The following MAGI3 variants were observed in gnomAD, a reference collection of about 807,000 sequenced individuals.
MAGI3 encodes the protein membrane associated guanylate kinase, WW and PDZ domain containing 3, also known as membrane-associated guanylate kinase, WW and PDZ domain-containing protein 3.
Under a neutral mutation model 121.8 loss-of-function variants are expected in MAGI3, and 43 were observed. The ratio of observed to expected loss-of-function variants is 0.35; its 90% CI spans 0.28 to 0.46. The LOEUF is 0.46. Among genes scored for constraint, MAGI3 ranks in the 20% least tolerant of loss-of-function variants. MAGI3 has a pLI of 1.00. For synonymous variants in MAGI3, 553 were observed against 639.3 expected, an observed-to-expected ratio of 0.86 and a Z score of 2.04; for missense variants, 1,547 against 1,797.3, an observed-to-expected ratio of 0.86 and a Z score of 2.52.
At chr1:113,457,617 G>T (rs907755682) in intron 1 of MAGI3, among the ~76,000 whole-genome samples, 12 of 151,772 alleles carry the variant, frequency 7.9e-5, no homozygotes, top group African/African-American at 2.9e-4. Flanking sequence ...TGTTCTTGGT[G>T]GTAGGATTGC....
At chr1:113,479,357 G>T (rs1470452316) in intron 1 of MAGI3, among the ~76,000 whole-genome samples, 1 of 152,090 alleles carries the variant, frequency 6.6e-6, no homozygotes, top group Non-Finnish European at 1.5e-5. Flanking sequence ...GCAGACCAGA[G>T]CTGTTCCTAT....
Position 113,467,365 on chromosome 1 carries a change from A to G in MAGI3, c.316+76016A>G, listed in dbSNP as rs147284015. Among the ~76,000 whole-genome samples the G allele has an allele frequency of 7.0e-3, 1,071 of 152,220 alleles. 44 individuals carry two copies. Among genetic ancestry groups the G allele is most frequent in the Admixed American group, 0.066 (1,001 of 15,272 alleles). ...TCAGAGTTGTTTTGTGGCCTAAGAT[A>G]TGGTCTCTTCTGGAGAATGTTCCAT... is the stretch of plus-strand genomic sequence containing the variant. On this transcript the variant is annotated intron_variant, in intron 1 of 20. Coordinates refer to ENST00000307546, the MANE Select transcript of MAGI3 (RefSeq NM_001142782.2).
intron 9 of MAGI3, among the ~76,000 whole-genome samples, chr1:113,636,944 T>A (rs1403875717): frequency 1.3e-5 from 2 of 151,998 alleles, no homozygotes; most frequent in Non-Finnish European, 2.9e-5. Context: ...TAGGATAGTT[T>A]GCTCTTCTTG....
intron 17 of MAGI3, 35 bp downstream of exon 17, chr1:113,671,871 T>C (rs956742786): frequency 6.3e-7 from 1 of 1,579,264 alleles, no homozygotes; most frequent in African/African-American, 1.3e-5. Flanking sequence ...TTTTGTTTTT[T>C]TCTTATTCTC....
At chr1:113,561,961 A>T (rs887127648) in intron 2 of MAGI3, among the ~76,000 whole-genome samples, 1 of 152,246 alleles carries the variant, frequency 6.6e-6, no homozygotes, top group Non-Finnish European at 1.5e-5. Context: ...GCATTCCTAT[A>T]TATCAACAAC....
intron 9 of MAGI3, among the ~76,000 whole-genome samples, chr1:113,625,903 G>A (rs1409306760): frequency 6.6e-6 from 1 of 152,042 alleles, no homozygotes; most frequent in African/African-American, 2.4e-5. Flanking sequence ...TTATCATAAA[G>A]GGGTGTTGAA....
At chr1:113,681,406 A>C in intron 20 of MAGI3, 70 bp downstream of exon 20, 1 of 1,494,654 alleles carries the variant, frequency 6.7e-7, no homozygotes. Context: ...AAAGGAATAT[A>C]TATTTGGAGA....
At chr1:113,563,193 A>G (rs1660309957) in intron 2 of MAGI3, among the ~76,000 whole-genome samples, 1 of 152,200 alleles carries the variant, frequency 6.6e-6, no homozygotes, top group Non-Finnish European at 1.5e-5. Flanking sequence ...GTAATATTAG[A>G]AAACAAAAAC....
At chr1:113,649,724 G>C (rs1653051964) in intron 13 of MAGI3, among the ~76,000 whole-genome samples, 1 of 152,132 alleles carries the variant, frequency 6.6e-6, no homozygotes, top group Admixed American at 6.6e-5. Flanking sequence ...ATAAATGGTT[G>C]GCATGAGCCT....
intron 2 of MAGI3, among the ~76,000 whole-genome samples, chr1:113,550,951 C>G (rs1287123824): frequency 8.9e-6 from 1 of 112,836 alleles, no homozygotes; most frequent in Non-Finnish European, 2.1e-5. Context: ...CTTTCCCTTC[C>G]CCAACAAGAA....
intron 2 of MAGI3, among the ~76,000 whole-genome samples, chr1:113,570,743 G>GT (rs2101702745): frequency 6.6e-6 from 1 of 151,550 alleles, no homozygotes; most frequent in South Asian, 2.1e-4. Flanking sequence ...GGGGTAGTTT[G>GT]TTTTTTTCAT....
intron 1 of MAGI3, among the ~76,000 whole-genome samples, chr1:113,464,504 A>C (rs1655180397): frequency 2.0e-5 from 3 of 152,024 alleles, no homozygotes; most frequent in Admixed American, 2.0e-4. Context: ...TTTCATTTGG[A>C]TATATACCCA....
Position 113,671,737 on chromosome 1 carries a change from A to T in MAGI3, c.2819A>T (p.His940Leu), listed in dbSNP as rs150230904. ...TATTGTTTTCTCATTTGAACAGAGCATCATGGTCCACCATCAGGAACAAAC... is the reference window on the plus strand; with the variant it reads ...TATTGTTTTCTCATTTGAACAGAGCTTCATGGTCCACCATCAGGAACAAAC... ...VTLTVIAEEE[H>L]HGPPSGTNSA... Residue 940 changes from histidine (H) to leucine (L), a missense_variant, in exon 17 of 21, where the codon CAT becomes CTT. His to Leu is a moderately conservative substitution (Grantham distance 99). Transcript: ENST00000307546. 56 of 1,614,192 alleles carry T rather than the reference A, an allele frequency of 3.5e-5. No individual in the cohort carries two copies. In the African/African-American group the frequency reaches 7.2e-4, roughly 21 times the overall value.
intron 2 of MAGI3, among the ~76,000 whole-genome samples, chr1:113,551,798 A>G (rs1212214785): frequency 1.3e-5 from 2 of 151,456 alleles, no homozygotes; most frequent in Admixed American, 6.6e-5. Flanking sequence ...TAGTCATTTT[A>G]TTTGATCTCT....
intron 1 of MAGI3, among the ~76,000 whole-genome samples, chr1:113,455,530 T>C (rs1654708756): frequency 6.6e-6 from 1 of 152,142 alleles, no homozygotes; most frequent in Admixed American, 6.5e-5. Context: ...TCCCTTGGGC[T>C]CCTGCACTCT....
At position 113,659,129 on chromosome 1, in the gene MAGI3, C is replaced by T. The variant is rs766660413; in HGVS notation, c.2679C>T (p.Arg893=). Residue 893 remains arginine (R), a synonymous_variant, in exon 16 of 21, where the codon CGC becomes CGT. Transcript: ENST00000307546. ...TCATAGAAGGAAGTCCGGCTGACCG[C>T]TGTGGAAAACTGAAAGTTGGAGATC... is the stretch of plus-strand genomic sequence containing the variant. ...GRVIEGSPAD[R]CGKLKVGDHI... is the part of the protein sequence containing the mutation. The T allele has an allele frequency of 2.6e-5, 42 of 1,613,770 alleles. No individual in the cohort carries two copies. Among genetic ancestry groups the T allele is most frequent in the Non-Finnish European group, 3.5e-5 (41 of 1,179,904 alleles).
intron 1 of MAGI3, among the ~76,000 whole-genome samples, chr1:113,458,652 T>G (rs1654886643): frequency 6.6e-6 from 1 of 152,046 alleles, no homozygotes; most frequent in Non-Finnish European, 1.5e-5. Flanking sequence ...CAGCTAGGAC[T>G]ACAAGAGTGT....
intron 1 of MAGI3, among the ~76,000 whole-genome samples, chr1:113,406,361 T>C (rs1262644753): frequency 6.8e-6 from 1 of 146,660 alleles, no homozygotes; most frequent in African/African-American, 2.5e-5. Flanking sequence ...GATAAGAGGA[T>C]CACATGAGCC....
chr1:113,513,916 TCAAA>T (rs1657749949), intron 1 of MAGI3, among the ~76,000 whole-genome samples: 1 of 151,760 alleles, frequency 6.6e-6, no homozygotes, highest in African/African-American at 2.4e-5. Context: ...TACAATGAAC[TCAAA>T]CAAATTTACA....
Sources: gnomAD v4.1 joint callset for allele counts (sites outside exome capture counted in the v4.1 genomes callset) on GRCh38, gnomAD v4.1.1 for gene constraint, MANE v1.5 for transcripts, NCBI Gene and HGNC (gene_info 2026-07-23, HGNC 2026-07-21) for gene names.